POLR3E: variants seen among roughly 807,000 people sequenced by gnomAD.
POLR3E encodes the protein RNA polymerase III subunit E.
In POLR3E, 41 loss-of-function variants were observed where a neutral mutation model predicts 96.6. That is an observed-to-expected ratio of 0.42 (90% CI 0.33 to 0.55). The LOEUF is 0.55. Among genes scored for constraint, POLR3E ranks in the 20% least tolerant of loss-of-function variants. The pLI is 0.06. For synonymous variants in POLR3E, 396 were observed against 383.6 expected (o/e 1.03, Z -0.38); for missense variants, 849 against 952.1 (o/e 0.89, Z 1.43).
chr16:22,309,721 C>G, intron 6 of POLR3E: 1 of 592,618 alleles, frequency 1.7e-6, no homozygotes, highest in Non-Finnish European at 3.0e-6. Flanking sequence ...CACTGCCTGA[C>G]CAGATGGGGT....
At chr16:22,328,286 G>GT in intron 18 of POLR3E, 1 of 557,562 alleles carries the variant, frequency 1.8e-6, no homozygotes, top group Non-Finnish European at 3.2e-6. Context: ...CCCTCTCGCT[G>GT]AAGCCCTGTC....
chr16:22,309,118 C>T (rs1421175557), intron 5 of POLR3E, 78 bp downstream of exon 5: 5 of 991,098 alleles, frequency 5.0e-6, no homozygotes, highest in Non-Finnish European at 7.7e-6. Context: ...AGACATTGAC[C>T]CCCTTTGCCC....
rs1365652231 is a variant in POLR3E at position 22,334,348 on chromosome 16, G to GT, written c.*649dup. ...TGCAGAAAGATGCAAACAAAACCAGGTAAGTATGGAACAATGTGTAAGTGA... is the reference window on the plus strand; with the variant it reads ...TGCAGAAAGATGCAAACAAAACCAGGTTAAGTATGGAACAATGTGTAAGTGA... On this transcript the variant is annotated 3_prime_UTR_variant, in exon 21 of 21. Coordinates refer to ENST00000299853, the MANE Select transcript of POLR3E (RefSeq NM_018119.4). 3 of 152,166 alleles carry GT rather than the reference G, an allele frequency of 2.0e-5. No homozygotes were observed. Among genetic ancestry groups the GT allele is most frequent in the African/African-American group, 2.4e-5 (1 of 41,432 alleles). 9.4% of individuals were successfully genotyped at this position (152,166 alleles called of 1,614,324 possible).
At position 22,309,449 on chromosome 16, in the gene POLR3E, C is replaced by A. The variant is rs764758061; in HGVS notation, c.303C>A (p.Thr101=). 8 of 1,613,364 alleles carry A rather than the reference C, an allele frequency of 5.0e-6. No homozygotes were observed. The South Asian group carries it at 7.7e-5, about 16-fold the overall frequency. Residue 101 remains threonine (T), a synonymous_variant, in exon 6 of 21, where the codon ACC becomes ACA. Transcript: ENST00000299853. ...TYSSKLMDKQ[T]FCSSQTTSNT... is the part of the protein sequence containing the mutation. ...CCAGGAAGCTGATGGACAAGCAGAC[C>A]TTCTGCTCTTCCCAGACCACCAGTA... is the stretch of plus-strand genomic sequence containing the variant.
chr16:22,297,837 C>T (rs919162605), intron 1 of POLR3E, among the ~76,000 whole-genome samples: 1 of 152,254 alleles, frequency 6.6e-6, no homozygotes, highest in Non-Finnish European at 1.5e-5. Flanking sequence ...ACGGAAGAAA[C>T]ACCTGTCCGC....
chr16:22,318,711 T>A lies in POLR3E; in HGVS notation c.866-115T>A. On this transcript the variant is annotated intron_variant, in intron 12 of 20. Coordinates refer to ENST00000299853, the MANE Select transcript of POLR3E (RefSeq NM_018119.4). This position sits in a 1 kb window ranked among gnomAD's most constrained non-coding sequence, Gnocchi z 5.0. ...TGGCTATGATGGGTGTCATTACTGT[T>A]AGTTATCACATTCTGGGGTTATTAC... is the stretch of plus-strand genomic sequence containing the variant. 9.1e-7 allele frequency: 1 copy of A among 1,096,220 alleles called. No homozygotes were observed. The highest frequency in any genetic ancestry group is 1.3e-6 in the Non-Finnish European group (1 of 752,620). 67.9% of individuals were successfully genotyped at this position (1,096,220 alleles called of 1,614,324 possible).
Position 22,324,528 on chromosome 16 carries a change from TC to T in POLR3E, c.1156del (p.Leu386TrpfsTer7). The T allele has an allele frequency of 1.9e-6, 3 of 1,612,416 alleles. No homozygotes were observed. Among genetic ancestry groups the T allele is most frequent in the Non-Finnish European group, 2.5e-6 (3 of 1,179,334 alleles). On this transcript the variant is annotated frameshift_variant, in exon 16 of 21. Coordinates refer to ENST00000299853, the MANE Select transcript of POLR3E (RefSeq NM_018119.4). LOFTEE classifies it high-confidence loss of function. ...TKLCAEDVKD[F>X]LEHMAVVRIN... Reference sequence around the variant, plus strand: ...CTCTGCGCCGAGGATGTGAAGGACTTCCTGGAGCACATGGCCGTGGTGAGGA... The same window carrying T: ...CTCTGCGCCGAGGATGTGAAGGACTTCTGGAGCACATGGCCGTGGTGAGGA...
intron 1 of POLR3E, chr16:22,299,130 G>A: frequency 2.2e-6 from 1 of 445,778 alleles, no homozygotes; most frequent in Non-Finnish European, 4.5e-6. Flanking sequence ...AAAATAGGGT[G>A]GTCAGGGAAC....
chr16:22,317,638 TTTGTTGTTGTTG>T (rs763710808), intron 12 of POLR3E, among the ~76,000 whole-genome samples: 10 of 151,214 alleles, frequency 6.6e-5, no homozygotes, highest in Admixed American at 4.0e-4. Context: ...CTAGGGGCTT[TTTGTTGTTGTTG>T]TTGTTGTTGT....
chr16:22,326,194 C>G lies in POLR3E; in HGVS notation c.1782C>G (p.Pro594=). 6.2e-7 allele frequency: 1 copy of G among 1,613,994 alleles called. No individual in the cohort carries two copies. Residue 594 remains proline (P), a synonymous_variant, in exon 18 of 21, where the codon CCC becomes CCG. Coordinates refer to ENST00000299853, the MANE Select transcript of POLR3E (RefSeq NM_018119.4). The stretch of plus-strand genomic sequence containing the variant: ...ATCTGCACTTGGCCAGCCTGCCCCC[C>G]GGCCACACACTCTTCAGCGGCATCT... ...LFNLHLASLP[P]GHTLFSGISD... is the part of the protein sequence containing the mutation.
rs929632998 is a variant in POLR3E at position 22,325,918 on chromosome 16, G to A, written c.1506G>A (p.Val502=). 2 of 1,602,030 alleles carry A rather than the reference G, an allele frequency of 1.2e-6. No homozygotes were observed. Among genetic ancestry groups the A allele is most frequent in the African/African-American group, 2.7e-5 (2 of 74,694 alleles). The change falls in exon 18 of 21, where the codon GTG becomes GTA. Residue 502 remains valine (V), a synonymous_variant. Transcript: ENST00000299853. ...GTGTGCGGATCAAGGAGGAGCCCGTGAGCGAGGAGGGCGAGGAGGACGAGG... is the reference window on the plus strand; with the variant it reads ...GTGTGCGGATCAAGGAGGAGCCCGTAAGCGAGGAGGGCGAGGAGGACGAGG... ...PPGVRIKEEP[V]SEEGEEDEEQ...
In POLR3E at chr16:22,311,636, G is replaced by A. The variant is rs139458401; in HGVS notation, c.365-1984G>A. Among the ~76,000 whole-genome samples the A allele has an allele frequency of 5.6e-3, 856 of 151,844 alleles. 36 individuals carry two copies. The highest frequency in any genetic ancestry group is 0.048 in the Admixed American group (724 of 15,240). ...GTCTCCTGAGTAGCTAGGACTACAG[G>A]CCATGCCACCACATCTGGCTAATTT... On this transcript the variant is annotated intron_variant, in intron 6 of 20. Coordinates refer to ENST00000299853, the MANE Select transcript of POLR3E (RefSeq NM_018119.4).
intron 9 of POLR3E, among the ~76,000 whole-genome samples, chr16:22,316,305 A>T (rs1423754958): frequency 1.3e-5 from 2 of 152,198 alleles, no homozygotes; most frequent in Non-Finnish European, 2.9e-5. Context: ...CAGTCAGTGG[A>T]ACAGAGTCCA....
In POLR3E at chr16:22,317,189, A is replaced by G; in HGVS notation, c.848A>G (p.Lys283Arg). Residue 283 changes from lysine to arginine, a missense_variant, in exon 12 of 21, where the codon AAG becomes AGG. Physicochemically the swap from Lys to Arg is conservative, Grantham distance 26 (BLOSUM62 2). Transcript: ENST00000299853. ...ACGCTGCCCCTGGCCGATCAGATCA[A>G]GATCCTGATGAAGAATGGTGGGTGC... ...LRTLPLADQI[K>R]ILMKNVKVMP... 6.2e-7 allele frequency: 1 copy of G among 1,613,044 alleles called. No homozygotes were observed. Among genetic ancestry groups the G allele is most frequent in the East Asian group, 2.2e-5 (1 of 44,882 alleles).
At position 22,325,945 on chromosome 16, in the gene POLR3E, G is replaced by C. The variant is rs751236431; in HGVS notation, c.1533G>C (p.Glu511Asp). Residue 511 changes from glutamate to aspartate, a missense_variant, in exon 18 of 21, where the codon GAG becomes GAC. By Grantham distance (45) the Glu-to-Asp change is conservative. Transcript: ENST00000299853. ...GCGAGGAGGGCGAGGAGGACGAGGA[G>C]CAGGAGGCGGAGGAGGAGCCCATGG... ...PVSEEGEEDEEQEAEEEPMDT... is the reference protein window; with the variant it reads ...PVSEEGEEDEDQEAEEEPMDT... The C allele has an allele frequency of 6.3e-7, 1 of 1,592,852 alleles. No individual in the cohort carries two copies. Among genetic ancestry groups the C allele is most frequent in the Non-Finnish European group, 8.6e-7 (1 of 1,169,432 alleles).
At chr16:22,310,657 C>T (rs1021419561) in intron 6 of POLR3E, among the ~76,000 whole-genome samples, 4 of 149,402 alleles carry the variant, frequency 2.7e-5, no homozygotes, top group South Asian at 2.2e-4. Context: ...AGCATATAGC[C>T]GGGTGTGTTG....
In POLR3E at chr16:22,322,242, G is replaced by A. The variant is rs1328072991; in HGVS notation, c.987-608G>A. Among the ~76,000 whole-genome samples the A allele has an allele frequency of 6.6e-6, 1 of 152,192 alleles. No homozygotes were observed. Among genetic ancestry groups the A allele is most frequent in the Non-Finnish European group, 1.5e-5 (1 of 68,028 alleles). The stretch of plus-strand genomic sequence containing the variant: ...GTCAGAGCACAGGTGCCGCAGCAGG[G>A]GCTGAGCCGGGGTTGCAGGGCCTGT... On this transcript the variant is annotated intron_variant, in intron 13 of 20. Coordinates refer to ENST00000299853, the MANE Select transcript of POLR3E (RefSeq NM_018119.4). The surrounding 1 kb of genome is among the most constrained non-coding windows in gnomAD (Gnocchi z 5.2).
chr16:22,331,090 C>T (rs532222185), intron 19 of POLR3E, among the ~76,000 whole-genome samples: 12 of 147,170 alleles, frequency 8.2e-5, no homozygotes, highest in South Asian at 2.2e-4. Context: ...CTGCAACCTC[C>T]GCCTCAGCCT....
Position 22,333,555 on chromosome 16 carries a change from A to G in POLR3E, c.2071-89A>G, listed in dbSNP as rs1431770116. On this transcript the variant is annotated intron_variant, in intron 20 of 20. Transcript: ENST00000299853. ...TTTCCCATTTGTATTCTATTCACTA[A>G]TCATAAATCGAGTGTTGACATTGTG... 10 of 902,598 alleles carry G rather than the reference A, an allele frequency of 1.1e-5. No homozygotes were observed. In the East Asian group the frequency reaches 2.4e-4, roughly 22 times the overall value. 55.9% of individuals were successfully genotyped at this position (902,598 alleles called of 1,614,324 possible).
Sources: allele counts gnomAD v4.1 joint callset (sites outside exome capture counted in the v4.1 genomes callset), GRCh38; gene constraint gnomAD v4.1.1; non-coding constraint Gnocchi (gnomAD v3.1); transcripts MANE v1.5; gene names NCBI Gene and HGNC (gene_info 2026-07-23, HGNC 2026-07-21).